The following PITPNM3 variants were observed in gnomAD, a reference collection of about 807,000 sequenced individuals.
PITPNM3 encodes the protein PITPNM family member 3, also known as membrane-associated phosphatidylinositol transfer protein 3.
In PITPNM3, 26 loss-of-function variants were observed where a neutral mutation model predicts 102.0. The observed-to-expected ratio is 0.25, with a 90% CI of 0.19 to 0.35. The LOEUF is 0.35. Among genes scored for constraint, PITPNM3 ranks in the 10% least tolerant of loss-of-function variants. The pLI is 1.00. For missense variants in PITPNM3, 1,083 were observed against 1,346.1 expected, an observed-to-expected ratio of 0.80 and a Z score of 3.06; for synonymous variants, 578 against 558.6, an observed-to-expected ratio of 1.03 and a Z score of -0.49.
At chr17:6,491,363 C>A (rs571578093) in intron 4 of PITPNM3, among the ~76,000 whole-genome samples, 65 of 152,272 alleles carry the variant, frequency 4.3e-4, no homozygotes, top group South Asian at 8.3e-4. Context: ...AACCTGCGGC[C>A]ACACAAGATG....
rs576249570 is a variant in PITPNM3 at position 6,536,086 on chromosome 17, A to G, written c.118+1901T>C. On this transcript the variant is annotated intron_variant, in intron 2 of 19. Coordinates refer to ENST00000262483, the MANE Select transcript of PITPNM3 (RefSeq NM_031220.4). ...CTCAAAAAAAAAAGGAAAAAAAAAG[A>G]AAAAAAAAAAAGGAGATGATGAGAA... is the stretch of plus-strand genomic sequence containing the variant. Among the ~76,000 whole-genome samples, 6 of 143,292 alleles carry G rather than the reference A, an allele frequency of 4.2e-5. No individual in the cohort carries two copies. The East Asian group carries it at 6.0e-4, about 14-fold the overall frequency. The allele number at this position is 143,292 out of a possible 152,430, so 94.0% of individuals were successfully genotyped here.
chr17:6,547,738 C>CTTTTCTTTTT (rs1910098027), intron 1 of PITPNM3, among the ~76,000 whole-genome samples: 1 of 148,956 alleles, frequency 6.7e-6, no homozygotes, highest in African/African-American at 2.6e-5. Flanking sequence ...CTTTTCTTTT[C>CTTTTCTTTTT]TTTTCTTTTT....
chr17:6,508,160 G>C (rs886442585), intron 3 of PITPNM3, among the ~76,000 whole-genome samples: 3 of 152,168 alleles, frequency 2.0e-5, no homozygotes, highest in African/African-American at 7.2e-5. Flanking sequence ...TCCTGGAAAC[G>C]CCAGTGCGCA....
chr17:6,498,441 G>C (rs1906971752), intron 4 of PITPNM3, among the ~76,000 whole-genome samples: 1 of 152,224 alleles, frequency 6.6e-6, no homozygotes, highest in Non-Finnish European at 1.5e-5. Context: ...AGGATCCATG[G>C]GAGAGAAAGC....
Position 6,474,613 on chromosome 17 carries a change from G to A in PITPNM3, c.1086-9C>T, listed in dbSNP as rs1261950869. 1 of 1,555,676 alleles carries A rather than the reference G, an allele frequency of 6.4e-7. No homozygotes were observed. Among genetic ancestry groups the A allele is most frequent in the Non-Finnish European group, 8.7e-7 (1 of 1,150,398 alleles). ...GCACGCTGGAGTGGATGCTGCGGAG[G>A]GAGGAGGACGCAGGGCAGGGCAGGT... On this transcript the variant is annotated splice_polypyrimidine_tract_variant and intron_variant, in intron 9 of 19. Coordinates refer to ENST00000262483, the MANE Select transcript of PITPNM3 (RefSeq NM_031220.4).
chr17:6,465,169 C>T (rs921488433), intron 14 of PITPNM3, among the ~76,000 whole-genome samples: 1 of 152,252 alleles, frequency 6.6e-6, no homozygotes, highest in African/African-American at 2.4e-5. Context: ...GCCTCAGCCT[C>T]CTGCGTAGCT....
rs759751696 is a variant in PITPNM3, at chr17:6,464,141, C to T, written c.2156+29G>A. The T allele has an allele frequency of 3.1e-5, 50 of 1,613,990 alleles. No homozygotes were observed. The African/African-American group carries it at 5.1e-4, about 16-fold the overall frequency. On this transcript the variant is annotated intron_variant, in intron 16 of 19. Transcript: ENST00000262483. ...GGAAGGGCCATAGAAATGAGAGAAA[C>T]CACCCTGAGAATGGCCCCTGGGTCT...
rs371762781 is a variant in PITPNM3, at chr17:6,483,767, G to A, written c.352-15C>T. On this transcript the variant is annotated splice_polypyrimidine_tract_variant and intron_variant, in intron 5 of 19. Coordinates refer to ENST00000262483, the MANE Select transcript of PITPNM3 (RefSeq NM_031220.4). ...GGGCAGCCTTCCTGAGAGCCAAGGCGGTTGGAATACAGAGAGAGAGGCGGC... is the reference window on the plus strand; with the variant it reads ...GGGCAGCCTTCCTGAGAGCCAAGGCAGTTGGAATACAGAGAGAGAGGCGGC... The A allele has an allele frequency of 1.7e-5, 28 of 1,608,156 alleles. 1 individual carries two copies. Among genetic ancestry groups the A allele is most frequent in the South Asian group, 8.8e-5 (8 of 91,034 alleles).
rs1904874713 is a variant in PITPNM3 at position 6,468,116 on chromosome 17, G to A, written c.1890+109C>T. The A allele has an allele frequency of 9.4e-7, 1 of 1,062,272 alleles. No individual in the cohort carries two copies. The allele number at this position is 1,062,272 out of a possible 1,614,324, so 65.8% of individuals were successfully genotyped here. On this transcript the variant is annotated intron_variant, in intron 14 of 19. Transcript: ENST00000262483. The surrounding 1 kb of genome is among the most constrained non-coding windows in gnomAD (Gnocchi z 5.2). ...CCAGCCTGTTTGGGTGCTGAGCTCT[G>A]AGGACAAATTGAAGCGCTTACCTCC...
At chr17:6,482,277 C>T (rs912232395) in intron 6 of PITPNM3, among the ~76,000 whole-genome samples, 1 of 151,996 alleles carries the variant, frequency 6.6e-6, no homozygotes, top group Non-Finnish European at 1.5e-5. Flanking sequence ...TGAGTGTCAG[C>T]CCCTTTCTGT....
At chr17:6,512,040 C>T (rs1244763361) in intron 3 of PITPNM3, among the ~76,000 whole-genome samples, 3 of 151,946 alleles carry the variant, frequency 2.0e-5, no homozygotes, top group African/African-American at 4.8e-5. Context: ...CTCTTGTGAT[C>T]GATTGTCTGG....
intron 2 of PITPNM3, among the ~76,000 whole-genome samples, chr17:6,526,370 G>A (rs138756398): frequency 5.8e-4 from 88 of 152,270 alleles, no homozygotes; most frequent in African/African-American, 1.7e-3. Flanking sequence ...ATACTTTGCC[G>A]AAAAACAGAT....
chr17:6,486,666 C>T (rs2150585906), intron 4 of PITPNM3, among the ~76,000 whole-genome samples: 1 of 152,290 alleles, frequency 6.6e-6, no homozygotes, highest in Middle Eastern at 3.4e-3. Flanking sequence ...CTAGTTCTTC[C>T]CATTGGCTAG....
At chr17:6,504,475 T>A (rs1290796883) in intron 3 of PITPNM3, among the ~76,000 whole-genome samples, 1 of 152,218 alleles carries the variant, frequency 6.6e-6, no homozygotes, top group Admixed American at 6.5e-5. Context: ...GCCATCTTCA[T>A]GGCCCACGTC....
At position 6,458,891 on chromosome 17, in the gene PITPNM3, C is replaced by T. The variant is rs556654987; in HGVS notation, c.2491-1169G>A. Among the ~76,000 whole-genome samples the T allele has an allele frequency of 2.6e-5, 4 of 152,266 alleles. No homozygotes were observed. The highest frequency in any genetic ancestry group is 6.5e-5 in the Admixed American group (1 of 15,284). The stretch of plus-strand genomic sequence containing the variant: ...GAGAGCTGCTAAAGAAACAGAGCCA[C>T]GCAGCTCTCACCTTCCATCTTCTTC... On this transcript the variant is annotated intron_variant, in intron 18 of 19. Coordinates refer to ENST00000262483, the MANE Select transcript of PITPNM3 (RefSeq NM_031220.4). This position sits in a 1 kb window ranked among gnomAD's most constrained non-coding sequence, Gnocchi z 5.1.
At chr17:6,464,804 T>C in intron 14 of PITPNM3, 33 bp from the exon 15 acceptor site, 5 of 1,606,230 alleles carry the variant, frequency 3.1e-6, no homozygotes, top group Non-Finnish European at 4.3e-6. Flanking sequence ...GCTCAGCCCT[T>C]GCAAGGGAGG....
chr17:6,509,768 C>A (rs1443267883), intron 3 of PITPNM3, among the ~76,000 whole-genome samples: 1 of 152,200 alleles, frequency 6.6e-6, no homozygotes, highest in Non-Finnish European at 1.5e-5. Context: ...GCACTCATTC[C>A]CCGGCCCCTC....
intron 3 of PITPNM3, among the ~76,000 whole-genome samples, chr17:6,522,468 G>A (rs1440511372): frequency 6.6e-6 from 1 of 152,176 alleles, no homozygotes. Context: ...TGGAATTTGT[G>A]GAGCATAAGG....
intron 16 of PITPNM3, 24 bp downstream of exon 16, chr17:6,464,146 C>T (rs1306221680): frequency 1.6e-5 from 26 of 1,613,998 alleles, no homozygotes; most frequent in East Asian, 2.2e-5. Context: ...AGAAACCACC[C>T]TGAGAATGGC....
Sources: gnomAD v4.1 joint callset for allele counts (sites outside exome capture counted in the v4.1 genomes callset) on GRCh38, gnomAD v4.1.1 for gene constraint, Gnocchi (gnomAD v3.1) non-coding constraint, MANE v1.5 for transcripts, NCBI Gene and HGNC (gene_info 2026-07-23, HGNC 2026-07-21) for gene names.